Variants in GREM2 observed in about 807,000 individuals in gnomAD.
The protein encoded by GREM2 is gremlin-2.
A neutral mutation model predicts 14.2 loss-of-function variants in GREM2; 11 were observed. The observed-to-expected ratio is 0.78, with a 90% CI of 0.49 to 1.28. The LOEUF (loss-of-function observed/expected upper bound fraction) is 1.28, where lower values mean the gene tolerates loss of function less well. GREM2 is among the 50% of genes most tolerant of loss of function. GREM2 has a pLI of 0.00. For synonymous variants in GREM2, 98 were observed against 97.6 expected, an observed-to-expected ratio of 1.00 and a Z score of -0.02; for missense variants, 210 against 218.5, an observed-to-expected ratio of 0.96 and a Z score of 0.24.
At chr1:240,586,719 G>C (rs758630377) in intron 1 of GREM2, among the ~76,000 whole-genome samples, 75 of 152,178 alleles carry the variant, frequency 4.9e-4, no homozygotes, top group Non-Finnish European at 9.3e-4. Flanking sequence ...TGGTACCTCG[G>C]TTACTTCCTT....
chr1:240,518,883 T>C (rs553807668), intron 1 of GREM2, among the ~76,000 whole-genome samples: 21 of 152,330 alleles, frequency 1.4e-4, no homozygotes, highest in Admixed American at 8.5e-4. Flanking sequence ...CATGTTTATG[T>C]TGCTTGATGA....
chr1:240,531,322 A>G (rs1442737045), intron 1 of GREM2, among the ~76,000 whole-genome samples: 1 of 152,230 alleles, frequency 6.6e-6, no homozygotes, highest in Non-Finnish European at 1.5e-5. Context: ...AATTGGTGAT[A>G]TTATTACAAC....
chr1:240,581,075 C>T (rs1451639717), intron 1 of GREM2, among the ~76,000 whole-genome samples: 1 of 151,866 alleles, frequency 6.6e-6, no homozygotes, highest in African/African-American at 2.4e-5. Flanking sequence ...CGTGGTGAAA[C>T]CGTGTCTCTA....
chr1:240,548,769 A>G (rs1678787814), intron 1 of GREM2, among the ~76,000 whole-genome samples: 1 of 152,224 alleles, frequency 6.6e-6, no homozygotes, highest in Admixed American at 6.5e-5. Context: ...GAGGCTGTGA[A>G]TAATGAATGC....
intron 1 of GREM2, among the ~76,000 whole-genome samples, chr1:240,607,916 A>T (rs1037427169): frequency 2.6e-5 from 4 of 152,252 alleles, no homozygotes; most frequent in African/African-American, 7.2e-5. Flanking sequence ...AAACACAAGA[A>T]TGTATGTGAA....
intron 1 of GREM2, among the ~76,000 whole-genome samples, chr1:240,503,121 G>A (rs559966801): frequency 6.2e-4 from 94 of 152,316 alleles, no homozygotes; most frequent in African/African-American, 2.1e-3. Flanking sequence ...AAAATGGAAA[G>A]CAACTGGATT....
At chr1:240,593,360 G>A (rs1274535445) in intron 1 of GREM2, among the ~76,000 whole-genome samples, 1 of 151,622 alleles carries the variant, frequency 6.6e-6, no homozygotes, top group Non-Finnish European at 1.5e-5. Flanking sequence ...AGCAAAGCAT[G>A]GAGCTATGAG....
intron 1 of GREM2, among the ~76,000 whole-genome samples, chr1:240,538,076 G>T (rs1348412224): frequency 6.6e-6 from 1 of 152,152 alleles, no homozygotes; most frequent in Non-Finnish European, 1.5e-5. Flanking sequence ...TCAAAGTAAT[G>T]ACAGTCAATA....
At chr1:240,606,747 C>A (rs1011377094) in intron 1 of GREM2, among the ~76,000 whole-genome samples, 1 of 149,066 alleles carries the variant, frequency 6.7e-6, no homozygotes, top group Non-Finnish European at 1.5e-5. Flanking sequence ...GGCGCGATCT[C>A]AGCTCACTGC....
At position 240,543,367 on chromosome 1, in the gene GREM2, A is replaced by T. The variant is rs897447621; in HGVS notation, c.-1-49891T>A. ...CATGGCTGGGGAGGCCTCACAATCA[A>T]GGCAGAAGACAAATGAGGAGCAAAA... On this transcript the variant is annotated intron_variant, in intron 1 of 1. Coordinates refer to ENST00000318160, the MANE Select transcript of GREM2 (RefSeq NM_022469.4). This position sits in a 1 kb window ranked among gnomAD's most constrained non-coding sequence, Gnocchi z 6.4. Among the ~76,000 whole-genome samples, 1 of 152,254 alleles carries T rather than the reference A, an allele frequency of 6.6e-6. No individual in the cohort carries two copies.
chr1:240,558,134 G>C (rs1398736379), intron 1 of GREM2, among the ~76,000 whole-genome samples: 3 of 152,128 alleles, frequency 2.0e-5, no homozygotes, highest in African/African-American at 7.2e-5. Context: ...GGACCAGGAA[G>C]TGAAAGGAGC....
intron 1 of GREM2, among the ~76,000 whole-genome samples, chr1:240,518,611 A>C (rs910902979): frequency 6.6e-6 from 1 of 152,234 alleles, no homozygotes; most frequent in Non-Finnish European, 1.5e-5. Flanking sequence ...TTTGTTGTCT[A>C]GATCAATTAA....
At chr1:240,577,455 G>C (rs1273373751) in intron 1 of GREM2, among the ~76,000 whole-genome samples, 1 of 152,122 alleles carries the variant, frequency 6.6e-6, no homozygotes, top group Non-Finnish European at 1.5e-5. Flanking sequence ...AGAATTAAGG[G>C]CTTTTCTTTG....
intron 1 of GREM2, among the ~76,000 whole-genome samples, chr1:240,557,859 G>A (rs1216304996): frequency 1.3e-5 from 2 of 151,854 alleles, no homozygotes; most frequent in Non-Finnish European, 2.9e-5. Flanking sequence ...AACAGCTAAT[G>A]TGATTACAAT....
Position 240,491,533 on chromosome 1 carries a change from A to G in GREM2, c.*1436T>C, listed in dbSNP as rs1677247429. ...AAGAGACCACAGCATGGAAACGTCAACAATTCATTATAAACACAAAAGGTG... is the reference window on the plus strand; with the variant it reads ...AAGAGACCACAGCATGGAAACGTCAGCAATTCATTATAAACACAAAAGGTG... On this transcript the variant is annotated 3_prime_UTR_variant, in exon 2 of 2. Transcript: ENST00000318160. 6.6e-6 allele frequency: 1 copy of G among 152,598 alleles called. No homozygotes were observed. The highest frequency in any genetic ancestry group is 1.5e-5 in the Non-Finnish European group (1 of 68,038). 9.5% of individuals were successfully genotyped at this position (152,598 alleles called of 1,614,324 possible).
chr1:240,566,942 G>C (rs1182629674), intron 1 of GREM2, among the ~76,000 whole-genome samples: 1 of 152,078 alleles, frequency 6.6e-6, no homozygotes, highest in Non-Finnish European at 1.5e-5. Flanking sequence ...GATAAAATTG[G>C]CAGAGCACTA....
intron 1 of GREM2, among the ~76,000 whole-genome samples, chr1:240,524,541 G>A (rs969464084): frequency 2.6e-5 from 4 of 152,228 alleles, no homozygotes; most frequent in African/African-American, 9.6e-5. Context: ...CAACTGACAA[G>A]TAATCTGTAT....
At chr1:240,510,789 G>A (rs1456303063) in intron 1 of GREM2, among the ~76,000 whole-genome samples, 2 of 152,172 alleles carry the variant, frequency 1.3e-5, no homozygotes, top group Non-Finnish European at 1.5e-5. Flanking sequence ...CGTAAGTGAA[G>A]GTTTTGTGAT....
chr1:240,564,318 C>A (rs1288859908), intron 1 of GREM2, among the ~76,000 whole-genome samples: 6 of 151,888 alleles, frequency 4.0e-5, no homozygotes, highest in Admixed American at 1.3e-4. Flanking sequence ...CCAGCCTGGG[C>A]AACATGGCTG....
Sources: gnomAD v4.1 joint callset for allele counts (sites outside exome capture counted in the v4.1 genomes callset) on GRCh38, gnomAD v4.1.1 for gene constraint, Gnocchi (gnomAD v3.1) non-coding constraint, MANE v1.5 for transcripts, NCBI Gene and HGNC (gene_info 2026-07-23, HGNC 2026-07-21) for gene names.